The following ZNF136 variants were observed in gnomAD, a reference collection of about 807,000 sequenced individuals.
The protein encoded by ZNF136 is zinc finger protein 136 (clone pHZ-20).
In ZNF136, 8 loss-of-function variants were observed where a neutral mutation model predicts 11.4. The observed-to-expected ratio is 0.70, with a 90% CI of 0.41 to 1.27. The LOEUF (loss-of-function observed/expected upper bound fraction) is 1.27, where lower values mean the gene tolerates loss of function less well. ZNF136 is among the 50% of genes most tolerant of loss of function. ZNF136 has a pLI of 0.01. For synonymous variants in ZNF136, 190 were observed against 207.1 expected (o/e 0.92, Z 0.71); for missense variants, 590 against 656.5 (o/e 0.90, Z 1.11).
In ZNF136 at chr19:12,179,317, C is replaced by CT. The variant is rs941639126; in HGVS notation, c.4-6458dup. ...CAAAAGAATTTCTTTTTTTTTTTTT[C>CT]TTTTTTTTTTGAGATGGAGTCTCAC... On this transcript the variant is annotated intron_variant, in intron 1 of 3. Coordinates refer to ENST00000343979, the MANE Select transcript of ZNF136 (RefSeq NM_003437.5). 5.5e-4 allele frequency among the ~76,000 whole-genome samples: 72 copies of CT among 130,088 alleles called. 1 individual carries two copies. Among genetic ancestry groups the CT allele is most frequent in the South Asian group, 4.7e-3 (18 of 3,854 alleles). The allele number at this position is 130,088 out of a possible 152,430, so 85.3% of individuals were successfully genotyped here. A position where few individuals can be genotyped will look rare whatever the true frequency, so the allele number is the denominator to read the frequency against.
rs917802513 is a variant in ZNF136 at position 12,188,522 on chromosome 19, A to T, written c.*521A>T. ...ACTATAAATGTGAAAACTACAAGGA[A>T]GGTTTTCCATTATACTTTTAAAGTC... On this transcript the variant is annotated 3_prime_UTR_variant, in exon 4 of 4. Coordinates refer to ENST00000343979, the MANE Select transcript of ZNF136 (RefSeq NM_003437.5). 6.6e-6 allele frequency: 1 copy of T among 152,336 alleles called. No individual in the cohort carries two copies. Among genetic ancestry groups the T allele is most frequent in the African/African-American group, 2.4e-5 (1 of 41,460 alleles). The allele number at this position is 152,336 out of a possible 1,614,324, so 9.4% of individuals were successfully genotyped here.
rs199848351 is a variant in ZNF136, at chr19:12,187,925, G to A, written c.1547G>A (p.Arg516His). 111 of 1,572,984 alleles carry A rather than the reference G, an allele frequency of 7.1e-5. No individual in the cohort carries two copies. Among genetic ancestry groups the A allele is most frequent in the Middle Eastern group, 1.7e-4 (1 of 5,844 alleles). ...GAATGTGGGAAAGCCTATTCTTGCC[G>A]TGCCAGCTTTCAGAGACACATGTTA... The part of the protein sequence containing the change: ...CKECGKAYSC[R>H]ASFQRHMLTH... The change falls in exon 4 of 4, where the codon CGT (arginine) becomes CAT (histidine). Residue 516 changes from arginine to histidine, a missense_variant. Coordinates refer to ENST00000343979, the MANE Select transcript of ZNF136 (RefSeq NM_003437.5).
chr19:12,166,968 T>C (rs1977195789), intron 1 of ZNF136, among the ~76,000 whole-genome samples: 1 of 152,204 alleles, frequency 6.6e-6, no homozygotes, highest in South Asian at 2.1e-4. Flanking sequence ...ATATAAGATC[T>C]GCAAAGATCT....
intron 1 of ZNF136, among the ~76,000 whole-genome samples, chr19:12,176,847 C>T (rs1914807108): frequency 6.6e-6 from 1 of 152,032 alleles, no homozygotes. Flanking sequence ...CTGCAAGCAC[C>T]TGTTTATGTC....
Position 12,187,638 on chromosome 19 carries a change from T to C in ZNF136, c.1260T>C (p.Tyr420=), listed in dbSNP as rs750192448. Residue 420 remains tyrosine (Y), a synonymous_variant, in exon 4 of 4, where the codon TAT becomes TAC. Transcript: ENST00000343979. ...HERTHTGEKP[Y]VCKHCGKAFV... is the part of the protein sequence containing the mutation. The stretch of plus-strand genomic sequence containing the variant: ...GAACTCACACTGGAGAGAAACCTTA[T>C]GTATGTAAACATTGTGGTAAAGCTT... The C allele has an allele frequency of 3.7e-6, 6 of 1,614,030 alleles. No homozygotes were observed. The highest frequency in any genetic ancestry group is 4.5e-5 in the East Asian group (2 of 44,884).
Position 12,187,810 on chromosome 19 carries a change from T to C in ZNF136, c.1432T>C (p.Cys478Arg). The C allele has an allele frequency of 6.2e-7, 1 of 1,607,378 alleles. No individual in the cohort carries two copies. Among genetic ancestry groups the C allele is most frequent in the Non-Finnish European group, 8.5e-7 (1 of 1,177,610 alleles). The part of the protein sequence containing the change: ...MIHTGEKPFE[C>R]KRCGKAFRSS... ...TCACACTGGTGAGAAACCCTTTGAA[T>C]GTAAGCGATGTGGTAAAGCCTTTAG... The change falls in exon 4 of 4, where the codon TGT becomes CGT. Residue 478 changes from cysteine (C) to arginine (R), a missense_variant. Transcript: ENST00000343979.
intron 1 of ZNF136, among the ~76,000 whole-genome samples, chr19:12,183,327 G>A (rs1475425223): frequency 6.6e-6 from 1 of 151,776 alleles, no homozygotes. Flanking sequence ...GTAGAGATAG[G>A]GTTTCACCAT....
At chr19:12,186,440 T>A (rs1008705111) in intron 3 of ZNF136, 130 bp from the exon 4 acceptor site, 1 of 874,714 alleles carries the variant, frequency 1.1e-6, no homozygotes, top group Non-Finnish European at 1.7e-6. Context: ...TTGAATTCAT[T>A]CATGCTCAAA....
At chr19:12,178,060 T>C (rs1914844654) in intron 1 of ZNF136, among the ~76,000 whole-genome samples, 4 of 152,158 alleles carry the variant, frequency 2.6e-5, no homozygotes, top group Admixed American at 1.3e-4. Context: ...TGAGCCAAGA[T>C]TGTGCCACTG....
intron 1 of ZNF136, among the ~76,000 whole-genome samples, chr19:12,168,521 G>C (rs1416429708): frequency 3.9e-5 from 6 of 152,058 alleles, no homozygotes; most frequent in Admixed American, 1.3e-4. Context: ...GTCCTGTAGG[G>C]AAGGGGGTCC....
In ZNF136 at chr19:12,185,899, C is replaced by A; in HGVS notation, c.118C>A (p.Leu40Met). ...TGTGATGTGGGAAACCATGAGGAAT[C>A]TGGCCTCTATAGGTAAGGATTGTAT... ...RDVMWETMRN[L>M]ASIGKKWKDQ... Residue 40 changes from leucine (L) to methionine (M), a missense_variant, in exon 2 of 4, where the codon CTG becomes ATG. Transcript: ENST00000343979. 1 of 1,613,672 alleles carries A rather than the reference C, an allele frequency of 6.2e-7. No individual in the cohort carries two copies. Among genetic ancestry groups the A allele is most frequent in the Non-Finnish European group, 8.5e-7 (1 of 1,179,894 alleles).
At position 12,187,124 on chromosome 19, in the gene ZNF136, A is replaced by T; in HGVS notation, c.746A>T (p.Asp249Val). 1 of 1,614,154 alleles carries T rather than the reference A, an allele frequency of 6.2e-7. No homozygotes were observed. The highest frequency in any genetic ancestry group is 1.7e-5 in the Admixed American group (1 of 60,022). ...AGACACATGATAAAGCACACTGGAG[A>T]TGGACCTTATAAATGTAAGGTATGT... ...VRRHMIKHTG[D>V]GPYKCKVCGK... The change falls in exon 4 of 4, where the codon GAT becomes GTT. Residue 249 changes from aspartate (D) to valine (V), a missense_variant. Transcript: ENST00000343979.
chr19:12,187,381 C>A lies in ZNF136; in HGVS notation c.1003C>A (p.Pro335Thr). The A allele has an allele frequency of 6.2e-7, 1 of 1,614,084 alleles. No individual in the cohort carries two copies. The highest frequency in any genetic ancestry group is 8.5e-7 in the Non-Finnish European group (1 of 1,180,002). Residue 335 changes from proline (P) to threonine (T), a missense_variant, in exon 4 of 4, where the codon CCC becomes ACC. By Grantham distance (38) the Pro-to-Thr change is conservative (BLOSUM62 -1). Coordinates refer to ENST00000343979, the MANE Select transcript of ZNF136 (RefSeq NM_003437.5). ...LHERIHTGEK[P>T]FVCKQCGKAF... The stretch of plus-strand genomic sequence containing the variant: ...TGAAAGAATTCACACTGGTGAGAAA[C>A]CCTTCGTATGTAAACAATGTGGTAA...
chr19:12,179,582 A>T (rs919127615), intron 1 of ZNF136, among the ~76,000 whole-genome samples: 1 of 152,138 alleles, frequency 6.6e-6, no homozygotes, highest in Non-Finnish European at 1.5e-5. Context: ...AAGTGCTGGG[A>T]TTACAGGCGT....
intron 1 of ZNF136, among the ~76,000 whole-genome samples, chr19:12,176,745 T>C (rs1454644616): frequency 6.6e-6 from 1 of 152,104 alleles, no homozygotes; most frequent in Non-Finnish European, 1.5e-5. Flanking sequence ...AAACAAGATA[T>C]AAGTAGAATA....
intron 1 of ZNF136, among the ~76,000 whole-genome samples, chr19:12,178,991 A>G (rs148707150): frequency 0.012 from 1,846 of 152,110 alleles, 12 homozygotes; most frequent in Non-Finnish European, 0.021. Context: ...TCTGTCTCAC[A>G]AAAGAAAAAA....
At chr19:12,173,548 G>A (rs997649473) in intron 1 of ZNF136, among the ~76,000 whole-genome samples, 15 of 152,170 alleles carry the variant, frequency 9.9e-5, no homozygotes, top group African/African-American at 3.6e-4. Context: ...CGGAATGGAA[G>A]CTCCTGTGCT....
intron 1 of ZNF136, among the ~76,000 whole-genome samples, chr19:12,166,187 T>G (rs1037002761): frequency 6.6e-6 from 1 of 151,798 alleles, no homozygotes; most frequent in Non-Finnish European, 1.5e-5. Context: ...GAGATCATGC[T>G]ATTGTGCTCC....
At chr19:12,175,945 C>A (rs568591726) in intron 1 of ZNF136, among the ~76,000 whole-genome samples, 1 of 152,046 alleles carries the variant, frequency 6.6e-6, no homozygotes, top group Middle Eastern at 3.2e-3. Flanking sequence ...TAAGCATTTG[C>A]GGGCATGTGA....
Sources: gnomAD v4.1 joint callset for allele counts (sites outside exome capture counted in the v4.1 genomes callset) on GRCh38, gnomAD v4.1.1 for gene constraint, MANE v1.5 for transcripts, NCBI Gene and HGNC (gene_info 2026-07-23, HGNC 2026-07-21) for gene names.